Variants in MINDY2 observed in about 807,000 individuals in gnomAD.
MINDY2 encodes ubiquitin carboxyl-terminal hydrolase MINDY-2.
In MINDY2, 52 loss-of-function variants were observed where a neutral mutation model predicts 68.2. The ratio of observed to expected loss-of-function variants is 0.76; its 90% CI spans 0.61 to 0.96. The LOEUF is 0.96. Ranked by LOEUF, MINDY2 falls within the 40% of genes least tolerant of loss-of-function variation. The pLI, the probability that MINDY2 is intolerant of heterozygous loss-of-function variation, is 0.00. For synonymous variants in MINDY2, 372 were observed against 303.0 expected, an observed-to-expected ratio of 1.23 and a Z score of -2.36; for missense variants, 881 against 773.4, an observed-to-expected ratio of 1.14 and a Z score of -1.65.
At position 58,772,044 on chromosome 15, in the gene MINDY2, C is replaced by G; in HGVS notation, c.649C>G (p.Leu217Val). ...GAAVLPGAVP[L>V]CKEEEGEETA... ...GGCGGTGTTGCCCGGGGCTGTTCCT[C>G]TGTGCAAGGAGGAGGAGGGGGAGGA... is the stretch of plus-strand genomic sequence containing the variant. Residue 217 changes from leucine to valine, a missense_variant, in exon 1 of 9, where the codon CTG (leucine) becomes GTG (valine). Leu to Val is a conservative substitution (Grantham distance 32). Transcript: ENST00000559228. 2.5e-6 allele frequency: 4 copies of G among 1,606,384 alleles called. No individual in the cohort carries two copies. Among genetic ancestry groups the G allele is most frequent in the Non-Finnish European group, 3.4e-6 (4 of 1,176,122 alleles).
chr15:58,780,301 G>A (rs111782147), intron 1 of MINDY2, among the ~76,000 whole-genome samples: 3,149 of 152,196 alleles, frequency 0.021, 43 homozygotes, highest in Middle Eastern at 0.044. Context: ...CTACTCGGGA[G>A]GCTGAGGCAG....
chr15:58,805,708 C>T (rs1239118699), intron 3 of MINDY2, among the ~76,000 whole-genome samples: 1 of 152,062 alleles, frequency 6.6e-6, no homozygotes, highest in Non-Finnish European at 1.5e-5. Context: ...AACAAAGTGG[C>T]AAAATACTTA....
In MINDY2 at chr15:58,860,711, AT is replaced by A. The variant is rs1185393624; in HGVS notation, c.*6106del. Reference sequence around the variant, plus strand: ...AACTAATGCAATGTGTTTTTTAAAAATTTTTAATGAACCTTACATTGTGAAC... The same window carrying A: ...AACTAATGCAATGTGTTTTTTAAAAATTTTAATGAACCTTACATTGTGAAC... On this transcript the variant is annotated 3_prime_UTR_variant, in exon 9 of 9. Transcript: ENST00000559228. 6.6e-6 allele frequency: 1 copy of A among 152,164 alleles called. No individual in the cohort carries two copies. Among genetic ancestry groups the A allele is most frequent in the Non-Finnish European group, 1.5e-5 (1 of 68,022 alleles). 9.4% of individuals were successfully genotyped at this position (152,164 alleles called of 1,614,324 possible). A position where few individuals can be genotyped will look rare whatever the true frequency, so the allele number is the denominator to read the frequency against.
chr15:58,851,640 T>A (rs1050052191), intron 7 of MINDY2, 131 bp from the exon 8 acceptor site: 1 of 679,922 alleles, frequency 1.5e-6, no homozygotes, highest in Admixed American at 3.6e-5. Flanking sequence ...AGGGTCTTGC[T>A]ATATTGCCCA....
intron 4 of MINDY2, among the ~76,000 whole-genome samples, chr15:58,816,366 A>G (rs1595744428): frequency 6.6e-6 from 1 of 152,178 alleles, no homozygotes. Context: ...CAGTCTGAGG[A>G]ATGTAAGCCT....
rs182932676 is a variant in MINDY2 at position 58,857,082 on chromosome 15, A to G, written c.*2472A>G. ...TAATGTGTTAATTCAGCCTTTTTCT[A>G]TGTAATATTTCCAAGTCAGACTTTC... On this transcript the variant is annotated 3_prime_UTR_variant, in exon 9 of 9. Transcript: ENST00000559228. 3.3e-5 allele frequency: 5 copies of G among 152,318 alleles called. No homozygotes were observed. Among genetic ancestry groups the G allele is most frequent in the African/African-American group, 9.6e-5 (4 of 41,568 alleles). The allele number at this position is 152,318 out of a possible 1,614,324, so 9.4% of individuals were successfully genotyped here.
intron 1 of MINDY2, among the ~76,000 whole-genome samples, chr15:58,777,268 G>C (rs556356072): frequency 3.9e-5 from 6 of 152,290 alleles, no homozygotes; most frequent in African/African-American, 9.6e-5. Flanking sequence ...CTGGGGTATA[G>C]GGGCAGAGAA....
At chr15:58,813,899 G>T (rs577518174) in intron 4 of MINDY2, among the ~76,000 whole-genome samples, 128 of 149,660 alleles carry the variant, frequency 8.6e-4, no homozygotes, top group South Asian at 1.3e-3. Context: ...TTCTTAGGTA[G>T]CAATATTTCA....
chr15:58,856,282 G>A lies in MINDY2; in HGVS notation c.*1672G>A, dbSNP rs1222539949. 2 of 152,502 alleles carry A rather than the reference G, an allele frequency of 1.3e-5. No individual in the cohort carries two copies. The highest frequency in any genetic ancestry group is 1.5e-5 in the Non-Finnish European group (1 of 68,006). The allele number at this position is 152,502 out of a possible 1,614,324, so 9.4% of individuals were successfully genotyped here. On this transcript the variant is annotated 3_prime_UTR_variant, in exon 9 of 9. Coordinates refer to ENST00000559228, the MANE Select transcript of MINDY2 (RefSeq NM_001040450.3). ...AGAGTGTTTTTTTTGTGTGTGGTCT[G>A]GGGTGACAAAAGACCACAAAAATGT...
intron 3 of MINDY2, among the ~76,000 whole-genome samples, chr15:58,809,167 A>G (rs1472910219): frequency 6.6e-6 from 1 of 152,162 alleles, no homozygotes; most frequent in African/African-American, 2.4e-5. Flanking sequence ...AGCCATGATC[A>G]TACCACTGCA....
rs2030715415 is a variant in MINDY2, at chr15:58,816,772, A to G, written c.1123-4945A>G. Among the ~76,000 whole-genome samples the G allele has an allele frequency of 2.0e-5, 3 of 152,240 alleles. 1 individual carries two copies. In the South Asian group the frequency reaches 6.2e-4, roughly 32 times the overall value. On this transcript the variant is annotated intron_variant, in intron 4 of 8. Transcript: ENST00000559228. The stretch of plus-strand genomic sequence containing the variant: ...TGTTTCCTACAACTCACACCGCAAA[A>G]TTCTATTCCATGCGCATTAAAGTTT...
intron 2 of MINDY2, among the ~76,000 whole-genome samples, chr15:58,800,626 A>G (rs1256152640): frequency 2.0e-5 from 3 of 149,092 alleles, no homozygotes; most frequent in Non-Finnish European, 3.0e-5. Context: ...TCCCATTGCC[A>G]TTCCAAGTTT....
intron 6 of MINDY2, among the ~76,000 whole-genome samples, chr15:58,843,888 T>TA (rs1283691255): frequency 6.8e-6 from 1 of 147,156 alleles, no homozygotes; most frequent in East Asian, 2.0e-4. Context: ...TGTAAATTGA[T>TA]AAAGTAGAAG....
At chr15:58,791,620 ATATGTGTGTGTG>A (rs1901930576) in intron 2 of MINDY2, among the ~76,000 whole-genome samples, 1 of 80,788 alleles carries the variant, frequency 1.2e-5, no homozygotes, top group Non-Finnish European at 2.6e-5. Flanking sequence ...CTGTCTCAAA[ATATGTGTGTGTG>A]TGTGTGTGTG....
intron 5 of MINDY2, among the ~76,000 whole-genome samples, chr15:58,824,131 C>G (rs1041247272): frequency 6.6e-6 from 1 of 152,068 alleles, no homozygotes; most frequent in Non-Finnish European, 1.5e-5. Flanking sequence ...AACATCTTTC[C>G]CAATTCTGGC....
At chr15:58,849,318 T>C (rs546756777) in intron 7 of MINDY2, among the ~76,000 whole-genome samples, 7 of 151,512 alleles carry the variant, frequency 4.6e-5, no homozygotes, top group African/African-American at 1.7e-4. Flanking sequence ...CTGGCTAACA[T>C]GGTGAAACCC....
At chr15:58,789,091 A>C (rs1369875214) in intron 2 of MINDY2, among the ~76,000 whole-genome samples, 6 of 152,176 alleles carry the variant, frequency 3.9e-5, no homozygotes, top group Admixed American at 6.5e-5. Flanking sequence ...TAATCCCAGC[A>C]CTTTGGGAGG....
intron 1 of MINDY2, among the ~76,000 whole-genome samples, chr15:58,774,486 A>G (rs1900651923): frequency 6.8e-6 from 1 of 146,126 alleles, no homozygotes; most frequent in Non-Finnish European, 1.5e-5. Flanking sequence ...CCCCGTCCCA[A>G]AAAAAGAAAA....
At chr15:58,824,474 A>G (rs547919789) in intron 5 of MINDY2, among the ~76,000 whole-genome samples, 2 of 152,254 alleles carry the variant, frequency 1.3e-5, no homozygotes, top group African/African-American at 4.8e-5. Flanking sequence ...AAGAATAATT[A>G]TATGTGTCAT....
Sources: gnomAD v4.1 joint callset for allele counts (sites outside exome capture counted in the v4.1 genomes callset) on GRCh38, gnomAD v4.1.1 for gene constraint, MANE v1.5 for transcripts, NCBI Gene and HGNC (gene_info 2026-07-23, HGNC 2026-07-21) for gene names.